Variants in ZFAND3 observed in about 807,000 individuals in gnomAD.
ZFAND3 encodes the protein zinc finger AN1-type containing 3, also known as AN1-type zinc finger protein 3.
Under a neutral mutation model 29.6 loss-of-function variants are expected in ZFAND3, and 10 were observed. The ratio of observed to expected loss-of-function variants is 0.34; its 90% CI spans 0.21 to 0.57. The LOEUF (loss-of-function observed/expected upper bound fraction) is 0.57, where lower values mean the gene tolerates loss of function less well. Among genes scored for constraint, ZFAND3 ranks in the 20% least tolerant of loss-of-function variants. ZFAND3 has a pLI of 0.86. For synonymous variants in ZFAND3, 128 were observed against 112.6 expected, an observed-to-expected ratio of 1.14 and a Z score of -0.87; for missense variants, 230 against 304.5, an observed-to-expected ratio of 0.76 and a Z score of 1.82.
At chr6:38,001,285 T>C (rs1439461869) in intron 2 of ZFAND3, among the ~76,000 whole-genome samples, 1 of 152,222 alleles carries the variant, frequency 6.6e-6, no homozygotes, top group Non-Finnish European at 1.5e-5. Flanking sequence ...TTGTTATTTC[T>C]GACACTGGTT....
intron 5 of ZFAND3, among the ~76,000 whole-genome samples, chr6:38,124,136 A>G (rs1053833460): frequency 3.3e-5 from 5 of 152,200 alleles, no homozygotes; most frequent in African/African-American, 9.6e-5. Flanking sequence ...AGCTAGATAC[A>G]GAGTGCTGAT....
Position 37,921,230 on chromosome 6 carries a change from G to A in ZFAND3, c.72-8729G>A, listed in dbSNP as rs147377119. 7.2e-5 allele frequency among the ~76,000 whole-genome samples: 11 copies of A among 152,222 alleles called. No homozygotes were observed. In the East Asian group the frequency reaches 2.1e-3, roughly 29 times the overall value. On this transcript the variant is annotated intron_variant, in intron 1 of 5. Transcript: ENST00000287218. ...CAGACTAGTTTTTAGAAATGTGACAGTTTTTACAGATTGACTCCCTTCACT... is the reference window on the plus strand; with the variant it reads ...CAGACTAGTTTTTAGAAATGTGACAATTTTTACAGATTGACTCCCTTCACT...
At chr6:38,109,224 C>T (rs889810214) in intron 4 of ZFAND3, among the ~76,000 whole-genome samples, 29 of 149,236 alleles carry the variant, frequency 1.9e-4, no homozygotes, top group Non-Finnish European at 3.3e-4. Flanking sequence ...GCTCTGTCGC[C>T]GAGGCTGGAG....
In ZFAND3 at chr6:37,913,788, G is replaced by A. The variant is rs1049777884; in HGVS notation, c.72-16171G>A. On this transcript the variant is annotated intron_variant, in intron 1 of 5. Coordinates refer to ENST00000287218, the MANE Select transcript of ZFAND3 (RefSeq NM_021943.3). ...TGCAATGGTGTGATCTTGACTCACT[G>A]CAACCTCCGCCTCCCGGGTTTAAGC... 2.8e-5 allele frequency among the ~76,000 whole-genome samples: 4 copies of A among 144,434 alleles called. 1 individual carries two copies. Among genetic ancestry groups the A allele is most frequent in the African/African-American group, 1.0e-4 (4 of 38,546 alleles). The allele number at this position is 144,434 out of a possible 152,430, so 94.8% of individuals were successfully genotyped here. A position where few individuals can be genotyped will look rare whatever the true frequency, so the allele number is the denominator to read the frequency against.
chr6:38,108,482 C>T (rs548922597), intron 4 of ZFAND3, among the ~76,000 whole-genome samples: 3 of 152,242 alleles, frequency 2.0e-5, no homozygotes, highest in East Asian at 3.9e-4. Flanking sequence ...AGCCTGCAGC[C>T]GAGCTCGAGT....
chr6:37,833,780 T>TGC (rs1763907455), intron 1 of ZFAND3, among the ~76,000 whole-genome samples: 1 of 144,756 alleles, frequency 6.9e-6, no homozygotes, highest in South Asian at 2.2e-4. Context: ...GAGCCAAGAT[T>TGC]GCGCCACTGC....
At chr6:38,072,583 ATATG>A (rs1441735645) in intron 3 of ZFAND3, among the ~76,000 whole-genome samples, 4 of 152,122 alleles carry the variant, frequency 2.6e-5, no homozygotes, top group African/African-American at 9.7e-5. Flanking sequence ...GGTACAAGTA[ATATG>A]TGACACTGTG....
At chr6:37,964,070 T>C (rs1762248734) in intron 2 of ZFAND3, among the ~76,000 whole-genome samples, 4 of 152,262 alleles carry the variant, frequency 2.6e-5, no homozygotes, top group East Asian at 1.9e-4. Flanking sequence ...CATTCTTTTT[T>C]CCCCCCTCAG....
At chr6:37,999,351 T>A (rs894667831) in intron 2 of ZFAND3, among the ~76,000 whole-genome samples, 4 of 152,210 alleles carry the variant, frequency 2.6e-5, no homozygotes, top group African/African-American at 9.7e-5. Flanking sequence ...CCAAATAATT[T>A]ATGTAGCTAC....
At chr6:38,144,211 A>AATATATATATAT (rs1554183991) in intron 5 of ZFAND3, among the ~76,000 whole-genome samples, 3 of 45,852 alleles carry the variant, frequency 6.5e-5, no homozygotes, top group South Asian at 6.0e-4. Context: ...ATATATATAT[A>AATATATATATAT]ATATATAATA....
chr6:37,877,047 T>C (rs1383935439), intron 1 of ZFAND3, among the ~76,000 whole-genome samples: 1 of 152,232 alleles, frequency 6.6e-6, no homozygotes, highest in Admixed American at 6.5e-5. Flanking sequence ...GCAAGTACTT[T>C]ATGTATATGA....
intron 2 of ZFAND3, among the ~76,000 whole-genome samples, chr6:38,031,047 AGATCAAG>A: frequency 6.6e-6 from 1 of 152,336 alleles, no homozygotes; most frequent in Non-Finnish European, 1.5e-5. Context: ...AGAATGTGAT[AGATCAAG>A]GATACAACCA....
Position 38,124,953 on chromosome 6 carries a change from G to A in ZFAND3, c.529+8214G>A, listed in dbSNP as rs528309112. Among the ~76,000 whole-genome samples the A allele has an allele frequency of 2.6e-5, 4 of 152,330 alleles. No individual in the cohort carries two copies. In the South Asian group the frequency reaches 6.2e-4, roughly 24 times the overall value. ...TATATGCTGAGTCTGGGTGATGAAAGACTAAAGCTTCTCCAGTACTCCTAA... is the reference window on the plus strand; with the variant it reads ...TATATGCTGAGTCTGGGTGATGAAAAACTAAAGCTTCTCCAGTACTCCTAA... On this transcript the variant is annotated intron_variant, in intron 5 of 5. Coordinates refer to ENST00000287218, the MANE Select transcript of ZFAND3 (RefSeq NM_021943.3).
intron 4 of ZFAND3, among the ~76,000 whole-genome samples, chr6:38,084,974 G>C (rs1314194949): frequency 6.6e-6 from 1 of 152,224 alleles, no homozygotes; most frequent in African/African-American, 2.4e-5. Flanking sequence ...AAAGGACAGA[G>C]CTTCCTGATT....
chr6:38,017,192 A>G (rs938021703), intron 2 of ZFAND3, among the ~76,000 whole-genome samples: 1 of 152,240 alleles, frequency 6.6e-6, no homozygotes, highest in Non-Finnish European at 1.5e-5. Context: ...GCTGTGTGGT[A>G]GAAATGGAGC....
At chr6:37,918,120 A>G (rs1183638366) in intron 1 of ZFAND3, among the ~76,000 whole-genome samples, 2 of 152,020 alleles carry the variant, frequency 1.3e-5, no homozygotes, top group Non-Finnish European at 2.9e-5. Flanking sequence ...TCTGTTGCCC[A>G]GGCTGGAGTG....
intron 1 of ZFAND3, among the ~76,000 whole-genome samples, chr6:37,858,139 G>A (rs991105323): frequency 3.9e-5 from 6 of 152,156 alleles, no homozygotes; most frequent in Admixed American, 2.6e-4. Context: ...TTCCTGTGTA[G>A]TTGCCCTTGT....
Position 38,124,832 on chromosome 6 carries a change from G to A in ZFAND3, c.529+8093G>A, listed in dbSNP as rs369978692. 4.7e-4 allele frequency among the ~76,000 whole-genome samples: 72 copies of A among 152,338 alleles called. No individual in the cohort carries two copies. In the South Asian group the frequency reaches 8.7e-3, roughly 18 times the overall value. ...GAGCGGACGCTGAGGCCGAGGAGGC[G>A]CCAAGAGTGAGCGAGGGCTGCGAGG... On this transcript the variant is annotated intron_variant, in intron 5 of 5. Transcript: ENST00000287218.
At chr6:37,852,463 G>A (rs1764298035) in intron 1 of ZFAND3, among the ~76,000 whole-genome samples, 1 of 151,476 alleles carries the variant, frequency 6.6e-6, no homozygotes, top group South Asian at 2.1e-4. Flanking sequence ...GGCTCCATAA[G>A]TCTACCTAAT....
Sources: gnomAD v4.1 joint callset for allele counts (sites outside exome capture counted in the v4.1 genomes callset) on GRCh38, gnomAD v4.1.1 for gene constraint, MANE v1.5 for transcripts, NCBI Gene and HGNC (gene_info 2026-07-23, HGNC 2026-07-21) for gene names.